UMOD: variants seen among roughly 807,000 people sequenced by gnomAD.
The protein encoded by UMOD is uromodulin, also known as Tamm-Horsfall urinary glycoprotein.
Under a neutral mutation model 66.0 loss-of-function variants are expected in UMOD, and 64 were observed. The observed-to-expected ratio is 0.97, with a 90% CI of 0.79 to 1.19. UMOD has a LOEUF of 1.19. Ranked by LOEUF, UMOD falls within the 50% of genes most tolerant of loss-of-function variation. The probability of loss-of-function intolerance (pLI) is 0.00; values close to 1 mark genes in which losing one functional copy is unlikely to be tolerated. For missense variants in UMOD, 764 were observed against 850.9 expected (o/e 0.90, Z 1.27); for synonymous variants, 398 against 352.7 (o/e 1.13, Z -1.44).
At chr16:20,349,731 T>A (rs1024856906) in intron 2 of UMOD, 27 of 1,536,608 alleles carry the variant, frequency 1.8e-5, no homozygotes, top group Non-Finnish European at 2.3e-5. Context: ...ACGGTGAACC[T>A]GTTGCCCCTC....
At chr16:20,349,295 A>G (rs936675842) in intron 2 of UMOD, 83 bp from the exon 3 acceptor site, 2 of 1,481,602 alleles carry the variant, frequency 1.3e-6, no homozygotes, top group Non-Finnish European at 1.8e-6. Context: ...TCTCCAGGGA[A>G]CTCATTATTT....
In UMOD at chr16:20,337,392, G is replaced by A. The variant is rs748318229; in HGVS notation, c.1639C>T (p.Arg547Ter). 2.4e-5 allele frequency: 38 copies of A among 1,614,016 alleles called. No homozygotes were observed. The highest frequency in any genetic ancestry group is 3.0e-5 in the Non-Finnish European group (35 of 1,180,032). Residue 547 changes from arginine to a stop codon, truncating the protein, a stop_gained, in exon 8 of 11, where the codon CGA (arginine) becomes TGA (stop). Coordinates refer to ENST00000396138, the MANE Select transcript of UMOD (RefSeq NM_003361.4). LOFTEE classifies it high-confidence loss of function. ...AACCGGAACATCTGGACGGAAAATCGGCCCTGGGAGGACTCCCCATTCTCC... is the reference window on the plus strand; with the variant it reads ...AACCGGAACATCTGGACGGAAAATCAGCCCTGGGAGGACTCCCCATTCTCC... ...VVENGESSQG[R>*]FSVQMFRFAG...
At chr16:20,342,370 A>T (rs1965272752) in intron 6 of UMOD, 1 of 152,468 alleles carries the variant, frequency 6.6e-6, no homozygotes, top group Non-Finnish European at 1.5e-5. Flanking sequence ...ACAAAACCAT[A>T]AAACAGAGAG....
chr16:20,350,895 G>A, intron 1 of UMOD, 56 bp from the exon 2 acceptor site: 2 of 1,495,576 alleles, frequency 1.3e-6, no homozygotes, highest in Non-Finnish European at 1.8e-6. Flanking sequence ...CCCCACAGCT[G>A]GAAGGAGTGC....
Position 20,337,403 on chromosome 16 carries a change from G to A in UMOD, c.1628C>T (p.Ser543Phe), listed in dbSNP as rs1478117342. Reference sequence around the variant, plus strand: ...CTGGACGGAAAATCGGCCCTGGGAGGACTCCCCATTCTCCACCACTTGGAT... The same window carrying A: ...CTGGACGGAAAATCGGCCCTGGGAGAACTCCCCATTCTCCACCACTTGGAT... ...STIQVVENGE[S>F]SQGRFSVQMF... The change falls in exon 8 of 11, where the codon TCC becomes TTC. Residue 543 changes from serine to phenylalanine, a missense_variant. Transcript: ENST00000396138. The A allele has an allele frequency of 1.2e-6, 2 of 1,614,088 alleles. No homozygotes were observed. The highest frequency in any genetic ancestry group is 1.7e-6 in the Non-Finnish European group (2 of 1,180,044).
rs1160959258 is a variant in UMOD at position 20,348,679 on chromosome 16, G to C, written c.622C>G (p.Gln208Glu). 1 of 1,555,188 alleles carries C rather than the reference G, an allele frequency of 6.4e-7. No homozygotes were observed. Among genetic ancestry groups the C allele is most frequent in the Admixed American group, 1.9e-5 (1 of 53,020 alleles). The part of the protein sequence containing the change: ...DLRGWYRFVG[Q>E]GGARMAETCV... ...GTCTCGGCCATGCGCGCACCGCCCT[G>C]GCCCACGAAGCGGTACCAGCCGCGC... The change falls in exon 3 of 11, where the codon CAG (glutamine) becomes GAG (glutamate). Residue 208 changes from glutamine to glutamate, a missense_variant. By Grantham distance (29) the Gln-to-Glu change is conservative (BLOSUM62 2). Coordinates refer to ENST00000396138, the MANE Select transcript of UMOD (RefSeq NM_003361.4).
At position 20,333,274 on chromosome 16, in the gene UMOD, TG is replaced by T; in HGVS notation, c.*39del. On this transcript the variant is annotated 3_prime_UTR_variant, in exon 11 of 11. Coordinates refer to ENST00000396138, the MANE Select transcript of UMOD (RefSeq NM_003361.4). ...ATCATGCCCCCTGCCCAGCAGGAGG[TG>T]AGATGGCAGCCATGGAGCACAGGGC... The T allele has an allele frequency of 6.3e-7, 1 of 1,590,160 alleles. No individual in the cohort carries two copies. Among genetic ancestry groups the T allele is most frequent in the Non-Finnish European group, 8.6e-7 (1 of 1,162,954 alleles).
At chr16:20,340,748 A>G (rs989156347) in intron 7 of UMOD, among the ~76,000 whole-genome samples, 12 of 152,106 alleles carry the variant, frequency 7.9e-5, no homozygotes, top group Admixed American at 2.0e-4. Context: ...TAATCCCAGC[A>G]CTTTGGGAGG....
In UMOD at chr16:20,348,436, C is replaced by G. The variant is rs2141673571; in HGVS notation, c.865G>C (p.Asp289His). 6.2e-7 allele frequency: 1 copy of G among 1,613,894 alleles called. No individual in the cohort carries two copies. The highest frequency in any genetic ancestry group is 1.1e-5 in the South Asian group (1 of 91,076). Residue 289 changes from aspartate to histidine, a missense_variant and splice_region_variant, in exon 3 of 11, where the codon GAC becomes CAC. Transcript: ENST00000396138. ...PPECHLAYCT[D>H]PSSVEGTCEE... ...GGACTGTGGGGAGACTCCGGCTGAC[C>G]TGTGCAGTACGCCAGGTGACACTCG...
intron 1 of UMOD, 63 bp from the exon 2 acceptor site, chr16:20,350,902 G>C (rs1007584418): frequency 6.7e-6 from 10 of 1,483,894 alleles, no homozygotes; most frequent in Non-Finnish European, 5.4e-6. Flanking sequence ...GCTGGAAGGA[G>C]TGCTTTGATT....
chr16:20,348,107 G>T, intron 4 of UMOD, 116 bp downstream of exon 4: 2 of 932,754 alleles, frequency 2.1e-6, no homozygotes, highest in Non-Finnish European at 3.5e-6. Context: ...ACTCAGGTTG[G>T]ATATATATCC....
intron 1 of UMOD, 22 bp from the exon 2 acceptor site, chr16:20,350,861 A>G (rs1462135585): frequency 1.3e-6 from 2 of 1,544,842 alleles, no homozygotes; most frequent in East Asian, 2.4e-5. Context: ...GATGGATGGG[A>G]CAAATGCATG....
chr16:20,354,693 A>T (rs1186592605), upstream of UMOD, among the ~76,000 whole-genome samples: 2 of 152,042 alleles, frequency 1.3e-5, no homozygotes, highest in African/African-American at 4.8e-5. Flanking sequence ...TTTGGGTTGG[A>T]ATCTATTCAT....
intron 2 of UMOD, 41 bp from the exon 3 acceptor site, chr16:20,349,253 G>T: frequency 6.3e-7 from 1 of 1,597,408 alleles, no homozygotes; most frequent in South Asian, 1.1e-5. Context: ...TGGGCAGCTG[G>T]GCCCATGGCC....
chr16:20,337,439 C>T lies in UMOD; in HGVS notation c.1592G>A (p.Arg531Lys). The change falls in exon 8 of 11, where the codon AGA (arginine) becomes AAA (lysine). Residue 531 changes from arginine (R) to lysine (K), a missense_variant. Transcript: ENST00000396138. ...FIIQDRCPHT[R>K]DSTIQVVENG... ...CTCCACCACTTGGATAGTTGAGTCT[C>T]TAGTGTGTGGGCATCTGGGAGGGTT... The T allele has an allele frequency of 1.9e-6, 3 of 1,614,168 alleles. No homozygotes were observed. The highest frequency in any genetic ancestry group is 2.5e-6 in the Non-Finnish European group (3 of 1,180,036).
intron 5 of UMOD, among the ~76,000 whole-genome samples, chr16:20,345,442 C>CTTTCTCTTTCTTTCT (rs773200268): frequency 0.027 from 1,100 of 41,460 alleles, 14 homozygotes; most frequent in African/African-American, 0.052. Context: ...TTCTTTCTTT[C>CTTTCTCTTTCTTTCT]TTCCTTTCTT....
At chr16:20,346,105 C>T in intron 5 of UMOD, 21 bp downstream of exon 5, 2 of 1,610,086 alleles carry the variant, frequency 1.2e-6, no homozygotes, top group Non-Finnish European at 1.7e-6. Context: ...CTGGTTCTGT[C>T]CCCCACTGGC....
intron 9 of UMOD, among the ~76,000 whole-genome samples, chr16:20,336,329 A>G (rs1964866074): frequency 6.6e-6 from 1 of 152,238 alleles, no homozygotes; most frequent in Admixed American, 6.5e-5. Flanking sequence ...GCACACATCT[A>G]CTACAAATAT....
At chr16:20,344,464 G>A (rs1328320852) in intron 5 of UMOD, among the ~76,000 whole-genome samples, 54 of 152,030 alleles carry the variant, frequency 3.6e-4, no homozygotes, top group Admixed American at 2.9e-3. Context: ...GTAGCCGGGC[G>A]TGGTGGTGGG....
Sources: gnomAD v4.1 joint callset for allele counts (sites outside exome capture counted in the v4.1 genomes callset) on GRCh38, gnomAD v4.1.1 for gene constraint, MANE v1.5 for transcripts, NCBI Gene and HGNC (gene_info 2026-07-23, HGNC 2026-07-21) for gene names.